ABCB1: variants seen among roughly 807,000 people sequenced by gnomAD.
ABCB1 encodes ATP binding cassette subfamily B member 1.
A neutral mutation model predicts 142.0 loss-of-function variants in ABCB1; 69 were observed. That is an observed-to-expected ratio of 0.49 (90% CI 0.40 to 0.59). ABCB1 has a LOEUF of 0.59. ABCB1 is among the 20% of genes least tolerant of loss of function. The pLI is 0.00. For synonymous variants in ABCB1, 532 were observed against 539.2 expected, an observed-to-expected ratio of 0.99 and a Z score of 0.18; for missense variants, 1,326 against 1,554.7, an observed-to-expected ratio of 0.85 and a Z score of 2.47.
chr7:87,561,287 C>T lies in ABCB1; in HGVS notation c.803G>A (p.Gly268Glu), dbSNP rs1817553071. Residue 268 changes from glycine (G) to glutamate (E), a missense_variant, in exon 8 of 28, where the codon GGA becomes GAA. Physicochemically the swap from Gly to Glu is moderately conservative, Grantham distance 98 (BLOSUM62 -2). Coordinates refer to ENST00000622132, the MANE Select transcript of ABCB1 (RefSeq NM_001348946.2). ...CCTTTCAAGTTCTTTCTTTTGTCCT[C>T]CAAATGCAATCACAGTTCTAATTGC... is the stretch of plus-strand genomic sequence containing the variant. ...LAAIRTVIAFGGQKKELERYN... is the reference protein window; with the variant it reads ...LAAIRTVIAFEGQKKELERYN... The T allele has an allele frequency of 6.2e-7, 1 of 1,613,934 alleles. No individual in the cohort carries two copies. The highest frequency in any genetic ancestry group is 2.2e-5 in the East Asian group (1 of 44,834).
upstream of ABCB1, among the ~76,000 whole-genome samples, chr7:87,605,210 T>G (rs1204626998): frequency 1.3e-5 from 2 of 152,182 alleles, no homozygotes; most frequent in African/African-American, 4.8e-5. Flanking sequence ...CCAGGCGCAC[T>G]GCAACCTCCG....
intron 1 of ABCB1, among the ~76,000 whole-genome samples, chr7:87,627,136 A>G (rs551335084): frequency 1.3e-5 from 2 of 152,336 alleles, no homozygotes; most frequent in South Asian, 2.1e-4. Context: ...GCTGAAAAGG[A>G]TGATTTTTTG....
chr7:87,628,992 G>C lies in ABCB1; in HGVS notation c.-330-27914C>G, dbSNP rs1413202895. 3 of 1,300,388 alleles carry C rather than the reference G, an allele frequency of 2.3e-6. No homozygotes were observed. The African/African-American group carries it at 4.5e-5, about 20-fold the overall frequency. 80.6% of individuals were successfully genotyped at this position (1,300,388 alleles called of 1,614,324 possible). On this transcript the variant is annotated intron_variant, in intron 1 of 28. Transcript: ENST00000265724. ...GGAACCAGCCTCCCGCCGGGGCTGA[G>C]AGCTCTGGGCTTCCGCGCGGGTCCT... is the stretch of plus-strand genomic sequence containing the variant.
chr7:87,519,949 G>A (rs1366214566), intron 22 of ABCB1, among the ~76,000 whole-genome samples: 1 of 152,178 alleles, frequency 6.6e-6, no homozygotes, highest in African/African-American at 2.4e-5. Context: ...TTATGCATTA[G>A]AGGTGCCTTA....
intron 1 of ABCB1, among the ~76,000 whole-genome samples, chr7:87,689,016 G>A (rs907615506): frequency 1.3e-5 from 2 of 151,872 alleles, no homozygotes; most frequent in Non-Finnish European, 2.9e-5. Flanking sequence ...GTACACTGGG[G>A]AATTTTTCAG....
At chr7:87,653,159 C>T (rs1466833666) in intron 1 of ABCB1, among the ~76,000 whole-genome samples, 1 of 151,994 alleles carries the variant, frequency 6.6e-6, no homozygotes, top group Non-Finnish European at 1.5e-5. Context: ...TAGGATATAG[C>T]TGAGAAATAG....
chr7:87,579,535 AT>A (rs1240508277), intron 4 of ABCB1, among the ~76,000 whole-genome samples: 1 of 152,200 alleles, frequency 6.6e-6, no homozygotes, highest in East Asian at 1.9e-4. Flanking sequence ...ACGATGAACA[AT>A]CCTTGCATCC....
At chr7:87,619,425 G>C (rs56201138) in intron 1 of ABCB1, among the ~76,000 whole-genome samples, 2,015 of 151,672 alleles carry the variant, frequency 0.013, 49 homozygotes, top group African/African-American at 0.046. Context: ...TGTATTCCCA[G>C]ATACTCAGGA....
At chr7:87,519,091 G>C (rs1269790104) in intron 23 of ABCB1, 1 of 570,352 alleles carries the variant, frequency 1.8e-6, no homozygotes, top group Non-Finnish European at 3.1e-6. Context: ...CTCAGTCACA[G>C]ATTTGAAAAG....
At chr7:87,534,268 A>G (rs1411043883) in intron 20 of ABCB1, among the ~76,000 whole-genome samples, 1 of 152,158 alleles carries the variant, frequency 6.6e-6, no homozygotes, top group Non-Finnish European at 1.5e-5. Context: ...ATATTTGTCC[A>G]TCAAAGCACA....
At chr7:87,578,763 G>A (rs1436368578) in intron 4 of ABCB1, among the ~76,000 whole-genome samples, 5 of 147,340 alleles carry the variant, frequency 3.4e-5, no homozygotes, top group South Asian at 2.1e-4. Flanking sequence ...GCGGGATCTC[G>A]GCTCACTGCA....
chr7:87,571,190 G>A (rs1482637115), intron 4 of ABCB1, among the ~76,000 whole-genome samples: 2 of 152,144 alleles, frequency 1.3e-5, no homozygotes, highest in Admixed American at 1.3e-4. Flanking sequence ...CTAGCAAAGT[G>A]AACAATATGG....
At chr7:87,524,658 C>A (rs1162922830) in intron 21 of ABCB1, among the ~76,000 whole-genome samples, 1 of 151,678 alleles carries the variant, frequency 6.6e-6, no homozygotes, top group Non-Finnish European at 1.5e-5. Context: ...GTGGGTACAG[C>A]ACACCAACAT....
Sources: gnomAD v4.1 joint callset for allele counts (sites outside exome capture counted in the v4.1 genomes callset) on GRCh38, gnomAD v4.1.1 for gene constraint, MANE v1.5 for transcripts, NCBI Gene and HGNC (gene_info 2026-07-23, HGNC 2026-07-21) for gene names.